Variants in RTL4 observed in about 807,000 individuals in gnomAD.
The protein encoded by RTL4 is retrotransposon Gag like 4, also known as retrotransposon Gag-like protein 4.
RTL4 carries 4 observed loss-of-function variants against 5.3 expected under a neutral mutation model. That is an observed-to-expected ratio of 0.75 (90% confidence interval 0.37 to 1.72). The LOEUF is 1.72. RTL4 is among the 40% of genes most tolerant of loss of function. RTL4 has a pLI of 0.04. For synonymous variants in RTL4, 98 were observed against 87.3 expected (o/e 1.12, Z -0.68); for missense variants, 260 against 227.1 (o/e 1.14, Z -0.93).
chrX:112,126,866 A>G, the RTL4 span, among the ~76,000 whole-genome samples: 1 of 112,155 alleles, frequency 8.9e-6, no homozygotes, highest in Non-Finnish European at 1.9e-5. Context: ...AAAAAGAAAT[A>G]GAAATTCTGA....
the RTL4 span, among the ~76,000 whole-genome samples, chrX:112,440,610 T>A: frequency 8.9e-6 from 1 of 112,114 alleles, no homozygotes; most frequent in Non-Finnish European, 1.9e-5. Flanking sequence ...TTTTTGATAG[T>A]CAGGTCTATG....
At chrX:112,430,885 GCCCATATCTTT>G in the RTL4 span, among the ~76,000 whole-genome samples, 1 of 112,294 alleles carries the variant, frequency 8.9e-6, no homozygotes, top group African/African-American at 3.2e-5. Context: ...GAGCCACCAT[GCCCATATCTTT>G]TAGTATGCCT....
the RTL4 span, among the ~76,000 whole-genome samples, chrX:112,322,326 T>C: frequency 9.6e-6 from 1 of 104,700 alleles, no homozygotes; most frequent in African/African-American, 3.7e-5. Flanking sequence ...TTTTCATTAA[T>C]GATTTGCCTA....
At chrX:112,448,336 T>C in the RTL4 span, among the ~76,000 whole-genome samples, 16 of 112,081 alleles carry the variant, frequency 1.4e-4, no homozygotes, top group African/African-American at 5.2e-4. Flanking sequence ...AGCCCTCATA[T>C]TGGTAAACCA....
the RTL4 span, among the ~76,000 whole-genome samples, chrX:112,360,943 A>G: frequency 1.8e-5 from 2 of 111,419 alleles, no homozygotes; most frequent in Non-Finnish European, 3.8e-5. Context: ...TTTGTGTTAC[A>G]GAAGAGAAAC....
At chrX:112,429,592 C>CA in the RTL4 span, among the ~76,000 whole-genome samples, 89 of 104,678 alleles carry the variant, frequency 8.5e-4, no homozygotes, top group Middle Eastern at 5.0e-3. Context: ...TCAGTTAAGC[C>CA]AAAAAAAAAA....
the RTL4 span, among the ~76,000 whole-genome samples, chrX:112,253,105 A>G: frequency 9.0e-6 from 1 of 111,639 alleles, no homozygotes; most frequent in Non-Finnish European, 1.9e-5. Flanking sequence ...GTCCTTTTCT[A>G]CCATGGATTT....
chrX:112,427,991 TAGCTCCCACTTGTA>T, the RTL4 span, among the ~76,000 whole-genome samples: 1 of 110,598 alleles, frequency 9.0e-6, no homozygotes, highest in African/African-American at 3.3e-5. Context: ...CCTCATAGCT[TAGCTCCCACTTGTA>T]AGTGAGAACA....
chrX:112,332,663 A>C, the RTL4 span, among the ~76,000 whole-genome samples: 1 of 81,375 alleles, frequency 1.2e-5, no homozygotes, highest in Non-Finnish European at 2.2e-5. Flanking sequence ...GGGGGACATC[A>C]CACATTGGGG....
the RTL4 span, among the ~76,000 whole-genome samples, chrX:112,332,757 C>A: frequency 1.8e-5 from 2 of 109,548 alleles, no homozygotes; most frequent in Middle Eastern, 4.7e-3. Flanking sequence ...GTGCAGCACA[C>A]CAACATGGCA....
chrX:112,224,070 G>T, the RTL4 span, among the ~76,000 whole-genome samples: 2 of 110,807 alleles, frequency 1.8e-5, no homozygotes, highest in African/African-American at 6.6e-5. Context: ...CTGAATCTCT[G>T]CATGCTTCAA....
At chrX:112,344,968 T>A in the RTL4 span, among the ~76,000 whole-genome samples, 1 of 110,993 alleles carries the variant, frequency 9.0e-6, no homozygotes, top group African/African-American at 3.3e-5. Flanking sequence ...CCATCAGAAC[T>A]CGTGAGACTT....
chrX:112,409,460 C>T, the RTL4 span, among the ~76,000 whole-genome samples: 4 of 111,322 alleles, frequency 3.6e-5, no homozygotes, highest in Admixed American at 2.9e-4. Context: ...GTGGCTCACG[C>T]GTGTAATCCC....
the RTL4 span, among the ~76,000 whole-genome samples, chrX:112,443,592 C>T: frequency 8.9e-6 from 1 of 111,926 alleles, no homozygotes; most frequent in Non-Finnish European, 1.9e-5. Context: ...TCTTCACCAA[C>T]ATTTGTTATT....
At chrX:112,241,032 T>G in the RTL4 span, among the ~76,000 whole-genome samples, 2 of 111,481 alleles carry the variant, frequency 1.8e-5, no homozygotes, top group African/African-American at 3.3e-5. Flanking sequence ...TATTCCATGG[T>G]GTATATGTGC....
At chrX:112,309,765 T>TATATGTATACACATACAC in the RTL4 span, among the ~76,000 whole-genome samples, 2 of 109,127 alleles carry the variant, frequency 1.8e-5, no homozygotes, top group Non-Finnish European at 3.8e-5. Context: ...CATGGCCGGC[T>TATATGTATACACATACAC]ATATGTATAC....
the RTL4 span, among the ~76,000 whole-genome samples, chrX:112,179,530 T>A: frequency 4.7e-3 from 521 of 111,870 alleles, 6 homozygotes; most frequent in African/African-American, 0.016. Context: ...GCCAGAGGAA[T>A]AGTAGGATCA....
the RTL4 span, among the ~76,000 whole-genome samples, chrX:112,170,117 T>C: frequency 2.7e-5 from 3 of 112,186 alleles, no homozygotes; most frequent in Admixed American, 9.5e-5. Flanking sequence ...CATTGGTCTT[T>C]GTGTCTGTTT....
At chrX:112,331,956 A>G in the RTL4 span, among the ~76,000 whole-genome samples, 1 of 100,693 alleles carries the variant, frequency 9.9e-6, no homozygotes, top group Non-Finnish European at 2.0e-5. Flanking sequence ...GGAATTGAAC[A>G]ATGAGAACAC....
Sources: gnomAD v4.1 joint callset for allele counts (sites outside exome capture counted in the v4.1 genomes callset) on GRCh38, gnomAD v4.1.1 for gene constraint, MANE v1.5 for transcripts, NCBI Gene and HGNC (gene_info 2026-07-23, HGNC 2026-07-21) for gene names.